Variants in TENM2 observed in about 807,000 individuals in gnomAD.
The protein encoded by TENM2 is teneurin transmembrane protein 2.
A neutral mutation model predicts 245.2 loss-of-function variants in TENM2; 52 were observed. The observed-to-expected ratio is 0.21, with a 90% CI of 0.17 to 0.27. TENM2 has a LOEUF of 0.27. Among genes scored for constraint, TENM2 ranks in the 10% least tolerant of loss-of-function variants. The probability of loss-of-function intolerance (pLI) is 1.00; values close to 1 mark genes in which losing one functional copy is unlikely to be tolerated. For missense variants in TENM2, 3,046 were observed against 3,666.8 expected (o/e 0.83, Z 4.37); for synonymous variants, 1,363 against 1,438.9 (o/e 0.95, Z 1.19).
intron 2 of TENM2, among the ~76,000 whole-genome samples, chr5:167,522,166 C>G (rs574137636): frequency 6.6e-6 from 1 of 152,188 alleles, no homozygotes; most frequent in South Asian, 2.1e-4. Flanking sequence ...CATGACAAGA[C>G]CTTTTTATAG....
chr5:168,152,222 G>T (rs192651473), intron 12 of TENM2, among the ~76,000 whole-genome samples: 2 of 152,252 alleles, frequency 1.3e-5, no homozygotes, highest in African/African-American at 4.8e-5. Flanking sequence ...CCCTGTGAGG[G>T]GTTTGCTATT....
the TENM2 span, among the ~76,000 whole-genome samples, chr5:167,081,554 G>T: frequency 5.6e-4 from 85 of 152,184 alleles, 1 homozygote; most frequent in African/African-American, 2.0e-3. Flanking sequence ...TATTATTGCA[G>T]GCAGAAAGCA....
chr5:167,531,143 G>A (rs1771471970), intron 2 of TENM2, among the ~76,000 whole-genome samples: 1 of 152,128 alleles, frequency 6.6e-6, no homozygotes, highest in African/African-American at 2.4e-5. Context: ...GTATTTTTGA[G>A]GGGTTTCTAA....
chr5:168,201,440 G>T (rs1761932777), intron 17 of TENM2, among the ~76,000 whole-genome samples: 2 of 151,822 alleles, frequency 1.3e-5, no homozygotes, highest in African/African-American at 4.8e-5. Flanking sequence ...ATACACTCCA[G>T]CTCCTGCCAT....
intron 2 of TENM2, among the ~76,000 whole-genome samples, chr5:167,494,066 G>C (rs1012294895): frequency 6.6e-6 from 1 of 152,068 alleles, no homozygotes; most frequent in African/African-American, 2.4e-5. Context: ...ATTCTTGAAG[G>C]ATGGGTAGAA....
At chr5:167,079,788 C>A in the TENM2 span, among the ~76,000 whole-genome samples, 1 of 152,038 alleles carries the variant, frequency 6.6e-6, no homozygotes, top group Non-Finnish European at 1.5e-5. Context: ...ATCTATGTTG[C>A]CTAAATTGAA....
intron 3 of TENM2, among the ~76,000 whole-genome samples, chr5:167,895,607 T>C (rs1477966560): frequency 6.6e-6 from 1 of 152,218 alleles, no homozygotes; most frequent in Non-Finnish European, 1.5e-5. Context: ...CTCAAATACA[T>C]ACAAAGCTTA....
chr5:167,930,488 T>A (rs990756505), intron 3 of TENM2, among the ~76,000 whole-genome samples: 3 of 146,304 alleles, frequency 2.1e-5, no homozygotes, highest in Non-Finnish European at 4.5e-5. Flanking sequence ...TTTATTTATT[T>A]ATTAGAGACA....
chr5:167,014,955 T>G, the TENM2 span, among the ~76,000 whole-genome samples: 1 of 152,340 alleles, frequency 6.6e-6, no homozygotes, highest in African/African-American at 2.4e-5. Flanking sequence ...TGCTTTATGG[T>G]TTGGCTGCCT....
chr5:167,870,355 G>A (rs182851462), intron 2 of TENM2, among the ~76,000 whole-genome samples: 55 of 152,044 alleles, frequency 3.6e-4, no homozygotes, highest in African/African-American at 1.2e-3. Context: ...TGTCTAATGT[G>A]GAACATAGTA....
chr5:167,088,570 T>C, the TENM2 span, among the ~76,000 whole-genome samples: 3 of 151,532 alleles, frequency 2.0e-5, no homozygotes, highest in South Asian at 2.1e-4. Context: ...GAGGTTGCAG[T>C]GAGCAGAGAT....
intron 2 of TENM2, among the ~76,000 whole-genome samples, chr5:167,822,191 C>T (rs951999894): frequency 3.3e-5 from 5 of 151,676 alleles, no homozygotes; most frequent in African/African-American, 9.7e-5. Flanking sequence ...GTAACACCCA[C>T]GCCCTCTCGG....
chr5:168,194,728 G>C (rs563184966), intron 14 of TENM2, among the ~76,000 whole-genome samples: 1 of 152,146 alleles, frequency 6.6e-6, no homozygotes, highest in South Asian at 2.1e-4. Flanking sequence ...AACTCTCTGT[G>C]CTCCCCTCTA....
intron 2 of TENM2, among the ~76,000 whole-genome samples, chr5:167,395,974 G>A (rs1232560188): frequency 6.6e-6 from 1 of 152,110 alleles, no homozygotes. Context: ...TGTTGTCAAG[G>A]ATGTGGAGAA....
chr5:167,197,193 T>C, the TENM2 span, among the ~76,000 whole-genome samples: 1 of 152,088 alleles, frequency 6.6e-6, no homozygotes, highest in Non-Finnish European at 1.5e-5. Flanking sequence ...AGAGATTAAG[T>C]AACCTAACAG....
At chr5:167,701,841 T>G (rs1758162935) in intron 2 of TENM2, among the ~76,000 whole-genome samples, 1 of 152,236 alleles carries the variant, frequency 6.6e-6, no homozygotes, top group African/African-American at 2.4e-5. Context: ...TTCTAACTTT[T>G]CAGGTGACCT....
chr5:167,330,470 C>T (rs1757372927), intron 1 of TENM2, among the ~76,000 whole-genome samples: 1 of 151,966 alleles, frequency 6.6e-6, no homozygotes, highest in South Asian at 2.1e-4. Flanking sequence ...GTAGCAGTTC[C>T]AACTGAATAT....
At chr5:167,268,152 A>G in the TENM2 span, among the ~76,000 whole-genome samples, 8 of 152,188 alleles carry the variant, frequency 5.3e-5, no homozygotes, top group African/African-American at 1.9e-4. Flanking sequence ...AGGCATAGAG[A>G]TGGAAAAGTG....
the TENM2 span, among the ~76,000 whole-genome samples, chr5:166,985,841 A>G: frequency 6.6e-6 from 1 of 152,128 alleles, no homozygotes; most frequent in Non-Finnish European, 1.5e-5. Context: ...GAAAGTCATC[A>G]CCCAAAAAAG....
Sources: allele counts gnomAD v4.1 joint callset (sites outside exome capture counted in the v4.1 genomes callset), GRCh38; gene constraint gnomAD v4.1.1; transcripts MANE v1.5; gene names NCBI Gene and HGNC (gene_info 2026-07-23, HGNC 2026-07-21).